The following KCNIP1 variants were observed in gnomAD, a reference collection of about 807,000 sequenced individuals.
The protein encoded by KCNIP1 is A-type potassium channel modulatory protein KCNIP1.
KCNIP1 carries 18 observed loss-of-function variants against 33.0 expected under a neutral mutation model. That is an observed-to-expected ratio of 0.55 (90% CI 0.38 to 0.81). The LOEUF is 0.81. KCNIP1 is among the 30% of genes least tolerant of loss of function. The probability of loss-of-function intolerance (pLI) is 0.00; values close to 1 mark genes in which losing one functional copy is unlikely to be tolerated. For synonymous variants in KCNIP1, 93 were observed against 98.3 expected (o/e 0.95, Z 0.32); for missense variants, 238 against 271.6 (o/e 0.88, Z 0.87).
intron 1 of KCNIP1, among the ~76,000 whole-genome samples, chr5:170,599,804 A>G (rs1758622475): frequency 6.6e-6 from 1 of 152,200 alleles, no homozygotes; most frequent in Non-Finnish European, 1.5e-5. Context: ...GACTTATGGG[A>G]GGTATTTCAG....
At chr5:170,357,379 A>G (rs1581104122) in intron 1 of KCNIP1, among the ~76,000 whole-genome samples, 1 of 152,322 alleles carries the variant, frequency 6.6e-6, no homozygotes, top group Admixed American at 6.5e-5. Flanking sequence ...GACTTCTGTT[A>G]TTAGCGGATA....
chr5:170,412,185 G>T (rs1262216313), intron 1 of KCNIP1, among the ~76,000 whole-genome samples: 2 of 152,144 alleles, frequency 1.3e-5, no homozygotes, highest in Non-Finnish European at 2.9e-5. Flanking sequence ...CACCAATACA[G>T]TTTAGTTGAC....
intron 1 of KCNIP1, among the ~76,000 whole-genome samples, chr5:170,592,444 T>TTTTGTCA (rs60799968): frequency 1.3e-5 from 2 of 152,112 alleles, no homozygotes; most frequent in African/African-American, 4.8e-5. Context: ...ATGACACAGC[T>TTTTGTCA]TGTATTGAAA....
intron 1 of KCNIP1, among the ~76,000 whole-genome samples, chr5:170,465,353 T>C (rs1294546768): frequency 6.6e-6 from 1 of 152,196 alleles, no homozygotes; most frequent in Admixed American, 6.5e-5. Context: ...CTTTCCATCC[T>C]CCTTCCCTTG....
chr5:170,464,426 C>T, intron 1 of KCNIP1, among the ~76,000 whole-genome samples: 1 of 152,134 alleles, frequency 6.6e-6, no homozygotes, highest in Non-Finnish European at 1.5e-5. Context: ...CCCCAAATAG[C>T]CAAAACAATC....
intron 1 of KCNIP1, among the ~76,000 whole-genome samples, chr5:170,433,780 T>C (rs762715026): frequency 5.9e-5 from 9 of 152,224 alleles, no homozygotes; most frequent in Non-Finnish European, 1.3e-4. Context: ...CTGTTTCATT[T>C]AACGTTTACC....
At chr5:170,485,866 C>G (rs556819728) in intron 1 of KCNIP1, 2 of 152,566 alleles carry the variant, frequency 1.3e-5, no homozygotes, top group East Asian at 1.9e-4. Flanking sequence ...TGCCCTTCCT[C>G]TAGACTCAGC....
At chr5:170,403,969 T>TAA (rs1345983341) in intron 1 of KCNIP1, among the ~76,000 whole-genome samples, 13 of 152,292 alleles carry the variant, frequency 8.5e-5, no homozygotes, top group South Asian at 4.1e-4. Context: ...CTTCAGAGCC[T>TAA]GTGGGGAAGA....
At chr5:170,516,069 G>A (rs1938399123) in intron 1 of KCNIP1, among the ~76,000 whole-genome samples, 1 of 152,200 alleles carries the variant, frequency 6.6e-6, no homozygotes, top group Admixed American at 6.5e-5. Context: ...GAAAGAGGAT[G>A]CCATCAGAAG....
At chr5:170,632,703 C>A (rs540128882) in intron 1 of KCNIP1, among the ~76,000 whole-genome samples, 2 of 152,358 alleles carry the variant, frequency 1.3e-5, no homozygotes, top group Non-Finnish European at 2.9e-5. Context: ...TGTGCCTTCT[C>A]TGGGGGGACA....
intron 1 of KCNIP1, among the ~76,000 whole-genome samples, chr5:170,372,276 G>C (rs1381634782): frequency 1.3e-5 from 2 of 152,198 alleles, no homozygotes; most frequent in Non-Finnish European, 2.9e-5. Flanking sequence ...CACAGGGCAA[G>C]GTATGAGGGA....
intron 5 of KCNIP1, among the ~76,000 whole-genome samples, chr5:170,729,703 A>G (rs1178451716): frequency 6.6e-6 from 1 of 152,090 alleles, no homozygotes; most frequent in Admixed American, 6.5e-5. Flanking sequence ...TATCTATTAA[A>G]TTGCAAAGGT....
At position 170,435,601 on chromosome 5, in the gene KCNIP1, C is replaced by G. The variant is rs182379395; in HGVS notation, c.88+81637C>G. On this transcript the variant is annotated intron_variant, in intron 1 of 7. Transcript: ENST00000377360. The stretch of plus-strand genomic sequence containing the variant: ...AAGGCATAAGATGATGCTGAAGGCA[C>G]AGGCTCTGGAAGAGGACAGGGCCAT... Among the ~76,000 whole-genome samples, 106 of 152,292 alleles carry G rather than the reference C, an allele frequency of 7.0e-4. 1 individual carries two copies. The highest frequency in any genetic ancestry group is 2.3e-3 in the African/African-American group (97 of 41,564).
intron 1 of KCNIP1, among the ~76,000 whole-genome samples, chr5:170,654,871 G>A (rs140606045): frequency 2.6e-4 from 40 of 152,306 alleles, no homozygotes; most frequent in African/African-American, 7.7e-4. Flanking sequence ...TTAAGCTAAC[G>A]TAAGTCTGTT....
chr5:170,650,151 T>TA (rs904077677), intron 1 of KCNIP1, among the ~76,000 whole-genome samples: 3 of 152,200 alleles, frequency 2.0e-5, no homozygotes, highest in African/African-American at 4.8e-5. Flanking sequence ...TTCCTTTTTA[T>TA]AAAAAAAGAT....
intron 1 of KCNIP1, among the ~76,000 whole-genome samples, chr5:170,587,330 G>A (rs1296281624): frequency 6.6e-6 from 1 of 150,640 alleles, no homozygotes; most frequent in African/African-American, 2.5e-5. Flanking sequence ...GCTGAGGTGG[G>A]AGAATGGCTT....
chr5:170,500,964 CACTGAGCAAA>C (rs1689337839), upstream of KCNIP1, among the ~76,000 whole-genome samples: 1 of 152,144 alleles, frequency 6.6e-6, no homozygotes, highest in Admixed American at 6.5e-5. Flanking sequence ...CTAACTGGGT[CACTGAGCAAA>C]GAAAAGAGAC....
chr5:170,477,115 G>A (rs1756873302), intron 1 of KCNIP1, among the ~76,000 whole-genome samples: 1 of 152,046 alleles, frequency 6.6e-6, no homozygotes, highest in South Asian at 2.1e-4. Flanking sequence ...ACCTAAGACT[G>A]CTCAAAAAAG....
chr5:170,552,023 A>ATGTG (rs35576706), intron 1 of KCNIP1, among the ~76,000 whole-genome samples: 145 of 148,742 alleles, frequency 9.7e-4, no homozygotes, highest in African/African-American at 2.7e-3. Context: ...GTGAGAGAGA[A>ATGTG]TGTGTGTGTG....
Sources: gnomAD v4.1 joint callset for allele counts (sites outside exome capture counted in the v4.1 genomes callset) on GRCh38, gnomAD v4.1.1 for gene constraint, MANE v1.5 for transcripts, NCBI Gene and HGNC (gene_info 2026-07-23, HGNC 2026-07-21) for gene names.